Variants in ZNF780B observed in about 807,000 individuals in gnomAD.
ZNF780B encodes the protein zinc finger protein 779.
ZNF780B carries 52 observed loss-of-function variants against 74.1 expected under a neutral mutation model. The observed-to-expected ratio is 0.70, with a 90% confidence interval of 0.56 to 0.88. ZNF780B has a LOEUF of 0.88. ZNF780B is among the 40% of genes least tolerant of loss of function. The probability of loss-of-function intolerance (pLI) is 0.00; values close to 1 mark genes in which losing one functional copy is unlikely to be tolerated. For missense variants in ZNF780B, 953 were observed against 1,007.6 expected (o/e 0.95, Z 0.73); for synonymous variants, 315 against 324.3 (o/e 0.97, Z 0.31).
At chr19:40,049,404 A>G (rs907034753) in intron 2 of ZNF780B, among the ~76,000 whole-genome samples, 1 of 152,184 alleles carries the variant, frequency 6.6e-6, no homozygotes, top group Non-Finnish European at 1.5e-5. Context: ...AGATTTAGTC[A>G]TATTTTTCTA....
intron 3 of ZNF780B, among the ~76,000 whole-genome samples, chr19:40,047,846 T>C (rs530790421): frequency 6.6e-6 from 1 of 152,204 alleles, no homozygotes; most frequent in Non-Finnish European, 1.5e-5. Flanking sequence ...GCCTGTTTTA[T>C]AGGATTGATA....
Position 40,030,151 on chromosome 19 carries a change from A to G in ZNF780B, c.*4206T>C, listed in dbSNP as rs1239565409. The G allele has an allele frequency of 1.3e-5, 2 of 152,212 alleles. No individual in the cohort carries two copies. The highest frequency in any genetic ancestry group is 4.8e-5 in the African/African-American group (2 of 41,438). 9.4% of individuals were successfully genotyped at this position (152,212 alleles called of 1,614,324 possible). On this transcript the variant is annotated 3_prime_UTR_variant, in exon 5 of 5. Transcript: ENST00000434248. ...CTGAGGTTGGGTTATTAATAAAGAA[A>G]GAGGTTTATTTGGCTCAGTGTTCTG...
chr19:40,034,080 T>G lies in ZNF780B; in HGVS notation c.*277A>C. The stretch of plus-strand genomic sequence containing the variant: ...GATCATAATTACTGCTAAAGGCCTT[T>G]TCACATTCCTTACATTCATAGGGTT... On this transcript the variant is annotated 3_prime_UTR_variant, in exon 5 of 5. Transcript: ENST00000434248. The G allele has an allele frequency of 4.0e-6, 2 of 498,962 alleles. No individual in the cohort carries two copies. The highest frequency in any genetic ancestry group is 7.4e-6 in the Non-Finnish European group (2 of 269,166). 30.9% of individuals were successfully genotyped at this position (498,962 alleles called of 1,614,324 possible).
chr19:40,031,983 G>C lies in ZNF780B; in HGVS notation c.*2374C>G. On this transcript the variant is annotated 3_prime_UTR_variant, in exon 5 of 5. Coordinates refer to ENST00000434248, the MANE Select transcript of ZNF780B (RefSeq NM_001005851.3). ...TTTTCTGACAGTACAATATGACATA[G>C]AAATAACCTACAAAGTATTCTTCCC... The C allele has an allele frequency of 2.3e-6, 1 of 442,146 alleles. No individual in the cohort carries two copies. Among genetic ancestry groups the C allele is most frequent in the Non-Finnish European group, 4.5e-6 (1 of 222,658 alleles). The allele number at this position is 442,146 out of a possible 1,614,324, so 27.4% of individuals were successfully genotyped here.
chr19:40,035,846 C>T lies in ZNF780B; in HGVS notation c.1013G>A (p.Cys338Tyr), dbSNP rs1415317845. ...TGEKPFECKE[C>Y]RKAFTLLTKL... Reference sequence around the variant, plus strand: ...TGTCAGAAGAGTAAAGGCCTTTCTGCATTCTTTACATTCAAAGGGTTTCTC... The same window carrying T: ...TGTCAGAAGAGTAAAGGCCTTTCTGTATTCTTTACATTCAAAGGGTTTCTC... The change falls in exon 5 of 5, where the codon TGC becomes TAC. Residue 338 changes from cysteine (C) to tyrosine (Y), a missense_variant. Physicochemically the swap from Cys to Tyr is radical, Grantham distance 194. Coordinates refer to ENST00000434248, the MANE Select transcript of ZNF780B (RefSeq NM_001005851.3). The T allele has an allele frequency of 1.2e-6, 2 of 1,613,852 alleles. No individual in the cohort carries two copies. The highest frequency in any genetic ancestry group is 1.7e-6 in the Non-Finnish European group (2 of 1,180,010).
At chr19:40,047,545 CT>C in intron 3 of ZNF780B, 75 bp from the exon 4 acceptor site, 1 of 961,902 alleles carries the variant, frequency 1.0e-6, no homozygotes, top group Non-Finnish European at 1.5e-6. Flanking sequence ...CCTAGTTAAA[CT>C]TATAATAAAT....
chr19:40,028,499 CA>C lies in ZNF780B; in HGVS notation c.*5857del, dbSNP rs1306528339. On this transcript the variant is annotated 3_prime_UTR_variant, in exon 5 of 5. Coordinates refer to ENST00000434248, the MANE Select transcript of ZNF780B (RefSeq NM_001005851.3). ...TACATGACAACATGCATGGGATAGA[CA>C]CTCTGTTCTCTACAGATCCGTGCTT... 2 of 152,138 alleles carry C rather than the reference CA, an allele frequency of 1.3e-5. No homozygotes were observed. Among genetic ancestry groups the C allele is most frequent in the African/African-American group, 4.8e-5 (2 of 41,426 alleles). 9.4% of individuals were successfully genotyped at this position (152,138 alleles called of 1,614,324 possible).
chr19:40,039,658 T>C (rs1972533214), intron 4 of ZNF780B, among the ~76,000 whole-genome samples: 1 of 152,186 alleles, frequency 6.6e-6, no homozygotes, highest in Non-Finnish European at 1.5e-5. Context: ...CCAGGTATTT[T>C]ATTCTCTGAA....
rs906236788 is a variant in ZNF780B, at chr19:40,036,404, T to C, written c.455A>G (p.Tyr152Cys). 1 of 1,609,486 alleles carries C rather than the reference T, an allele frequency of 6.2e-7. No individual in the cohort carries two copies. Among genetic ancestry groups the C allele is most frequent in the Non-Finnish European group, 8.5e-7 (1 of 1,178,602 alleles). ...ATTATGAATAGGAGAAGCATGAGTATAAGCAGGCATTTCTTCATAGCTGAT... is the reference window on the plus strand; with the variant it reads ...ATTATGAATAGGAGAAGCATGAGTACAAGCAGGCATTTCTTCATAGCTGAT... ...KIISYEEMPA[Y>C]THASPIHNTH... Residue 152 changes from tyrosine to cysteine, a missense_variant, in exon 5 of 5, where the codon TAT becomes TGT. By Grantham distance (194) the Tyr-to-Cys change is radical. Coordinates refer to ENST00000434248, the MANE Select transcript of ZNF780B (RefSeq NM_001005851.3).
intron 4 of ZNF780B, 56 bp from the exon 5 acceptor site, chr19:40,036,682 C>T (rs548163170): frequency 5.1e-4 from 564 of 1,107,542 alleles, no homozygotes; most frequent in Non-Finnish European, 6.5e-4. Flanking sequence ...TACATGCATA[C>T]AAAATCCATT....
intron 4 of ZNF780B, among the ~76,000 whole-genome samples, chr19:40,043,989 C>A (rs548480867): frequency 3.3e-5 from 5 of 152,346 alleles, no homozygotes; most frequent in Admixed American, 2.0e-4. Context: ...CACCCATCTT[C>A]TGCATCGCTC....
In ZNF780B at chr19:40,032,155, T is replaced by C; in HGVS notation, c.*2202A>G. ...CATTTCTGGGCTACTCAAAATTCAA[T>C]GTCATTTTTTTAAAATGAGAAATGT... On this transcript the variant is annotated 3_prime_UTR_variant, in exon 5 of 5. Transcript: ENST00000434248. 2.3e-6 allele frequency: 1 copy of C among 434,468 alleles called. No homozygotes were observed. The highest frequency in any genetic ancestry group is 1.6e-5 in the South Asian group (1 of 61,902). The allele number at this position is 434,468 out of a possible 1,614,324, so 26.9% of individuals were successfully genotyped here.
chr19:40,048,556 G>A (rs189967338), intron 3 of ZNF780B, 114 bp downstream of exon 3: 2 of 1,523,226 alleles, frequency 1.3e-6, no homozygotes, highest in Admixed American at 1.7e-5. Context: ...CATTCCTTCG[G>A]GAATAAGAAG....
intron 1 of ZNF780B, among the ~76,000 whole-genome samples, chr19:40,054,154 C>CA (rs1324887688): frequency 6.6e-6 from 1 of 151,824 alleles, no homozygotes; most frequent in Non-Finnish European, 1.5e-5. Flanking sequence ...CACTCTCTCT[C>CA]AAAAAAAGAA....
At chr19:40,039,094 T>C (rs1419763878) in intron 4 of ZNF780B, among the ~76,000 whole-genome samples, 12 of 151,876 alleles carry the variant, frequency 7.9e-5, no homozygotes, top group African/African-American at 2.9e-4. Flanking sequence ...TTGTATAAGG[T>C]GTAAGGAAGG....
At position 40,035,398 on chromosome 19, in the gene ZNF780B, C is replaced by T. The variant is rs1284689616; in HGVS notation, c.1461G>A (p.Gln487=). ...ECGKAFSLLT[Q]LARHKNIHTG... ...TATGAATGTTCTTATGTCGAGCAAG[C>T]TGTGTCAGAAGACTAAAGGCCTTTC... Residue 487 remains glutamine (Q), a synonymous_variant, in exon 5 of 5, where the codon CAG becomes CAA. Coordinates refer to ENST00000434248, the MANE Select transcript of ZNF780B (RefSeq NM_001005851.3). The T allele has an allele frequency of 2.5e-6, 4 of 1,613,968 alleles. No homozygotes were observed. The highest frequency in any genetic ancestry group is 2.7e-5 in the African/African-American group (2 of 74,868).
chr19:40,049,103 A>G, intron 2 of ZNF780B: 1 of 325,120 alleles, frequency 3.1e-6, no homozygotes, highest in South Asian at 3.3e-5. Context: ...TCGTGGTGGC[A>G]TGTGCCTATA....
chr19:40,041,292 C>A (rs1405560088), intron 4 of ZNF780B, among the ~76,000 whole-genome samples: 4 of 152,092 alleles, frequency 2.6e-5, no homozygotes, highest in East Asian at 1.9e-4. Flanking sequence ...AATTTCTGTT[C>A]TTTTACATTT....
chr19:40,037,386 A>G (rs1226762178), intron 4 of ZNF780B, among the ~76,000 whole-genome samples: 1 of 152,102 alleles, frequency 6.6e-6, no homozygotes, highest in African/African-American at 2.4e-5. Flanking sequence ...AAGTCTGGAC[A>G]ATTTCTTTTT....
Sources: gnomAD v4.1 joint callset for allele counts (sites outside exome capture counted in the v4.1 genomes callset) on GRCh38, gnomAD v4.1.1 for gene constraint, MANE v1.5 for transcripts, NCBI Gene and HGNC (gene_info 2026-07-23, HGNC 2026-07-21) for gene names.